Variants in ABCC5 observed in about 807,000 individuals in gnomAD.
ABCC5 encodes ATP-binding cassette sub-family C member 5.
A neutral mutation model predicts 160.9 loss-of-function variants in ABCC5; 61 were observed. That is an observed-to-expected ratio of 0.38 (90% CI 0.31 to 0.47). ABCC5 has a LOEUF of 0.47. Among genes scored for constraint, ABCC5 ranks in the 20% least tolerant of loss-of-function variants. ABCC5 has a pLI of 0.99. For missense variants in ABCC5, 1,308 were observed against 1,813.3 expected, an observed-to-expected ratio of 0.72 and a Z score of 5.06; for synonymous variants, 666 against 700.6, an observed-to-expected ratio of 0.95 and a Z score of 0.78.
intron 2 of ABCC5, among the ~76,000 whole-genome samples, chr3:183,991,281 A>G (rs991195450): frequency 6.6e-6 from 1 of 151,538 alleles, no homozygotes; most frequent in Non-Finnish European, 1.5e-5. Context: ...TGGGTGACAG[A>G]GCAAGACTCT....
Position 183,989,374 on chromosome 3 carries a change from G to C in ABCC5, c.139C>G (p.Gln47Glu). 2.5e-6 allele frequency: 4 copies of C among 1,613,800 alleles called. No homozygotes were observed. The highest frequency in any genetic ancestry group is 3.4e-6 in the Non-Finnish European group (4 of 1,179,896). The change falls in exon 3 of 30, where the codon CAA becomes GAA. Residue 47 changes from glutamine to glutamate, a missense_variant. Around this residue, in one of 3 missense-constraint regions of ABCC5, gnomAD observed 1,142 missense variants for 1,527.1 expected, o/e 0.75. Transcript: ENST00000334444. Reference protein sequence around the residue: ...KFRRTRPLECQDALETAARAE... With the variant: ...KFRRTRPLECEDALETAARAE... ...CGGGCTGCTGTTTCCAAGGCATCTT[G>C]GCATTCCAACTGTTCCAGCAGATAG... is the stretch of plus-strand genomic sequence containing the variant.
At chr3:183,984,642 C>A (rs1437175663) in intron 5 of ABCC5, 14 of 1,433,100 alleles carry the variant, frequency 9.8e-6, no homozygotes, top group African/African-American at 2.9e-5. Flanking sequence ...CCAAGAACTA[C>A]TGTATTCCAC....
At position 183,961,963 on chromosome 3, in the gene ABCC5, G is replaced by A. The variant is rs950711308; in HGVS notation, c.2236-309C>T. Reference sequence around the variant, plus strand: ...TCTGGCTAATTTTTTTGTATTTTTAGTAGAGACGGGGTTTTGCCGTACAGG... The same window carrying A: ...TCTGGCTAATTTTTTTGTATTTTTAATAGAGACGGGGTTTTGCCGTACAGG... On this transcript the variant is annotated intron_variant, in intron 15 of 29. Coordinates refer to ENST00000334444, the MANE Select transcript of ABCC5 (RefSeq NM_005688.4). 5.3e-5 allele frequency among the ~76,000 whole-genome samples: 8 copies of A among 152,236 alleles called. No homozygotes were observed. The South Asian group carries it at 1.7e-3, about 32-fold the overall frequency.
intron 2 of ABCC5, among the ~76,000 whole-genome samples, chr3:184,002,193 T>G (rs566825876): frequency 6.6e-6 from 1 of 151,138 alleles, no homozygotes; most frequent in Admixed American, 6.6e-5. Context: ...AGGTTGGGAG[T>G]TCGAGACCAG....
intron 3 of ABCC5, 40 bp downstream of exon 3, chr3:183,989,186 C>CATT: frequency 7.9e-7 from 1 of 1,271,138 alleles, no homozygotes; most frequent in Non-Finnish European, 1.1e-6. Context: ...AAAAAAAGGC[C>CATT]TTTGATGCTT....
intron 2 of ABCC5, 40 bp from the exon 3 acceptor site, chr3:183,989,423 A>G (rs779675245): frequency 3.1e-6 from 5 of 1,607,410 alleles, no homozygotes; most frequent in Non-Finnish European, 4.3e-6. Context: ...AGCACAGTTA[A>G]TACACAGGCG....
intron 2 of ABCC5, among the ~76,000 whole-genome samples, chr3:183,993,201 C>T (rs905860706): frequency 2.0e-5 from 3 of 151,980 alleles, no homozygotes; most frequent in Admixed American, 6.6e-5. Flanking sequence ...AAGGTACTGC[C>T]GGGCTGGGCG....
At chr3:183,924,391 T>C (rs575319283) in intron 29 of ABCC5, among the ~76,000 whole-genome samples, 1 of 152,290 alleles carries the variant, frequency 6.6e-6, no homozygotes, top group East Asian at 1.9e-4. Context: ...GGCTATGTCT[T>C]TCTCTAGGTT....
At chr3:183,945,021 T>C (rs1560482299) in intron 24 of ABCC5, among the ~76,000 whole-genome samples, 2 of 152,140 alleles carry the variant, frequency 1.3e-5, no homozygotes, top group Non-Finnish European at 2.9e-5. Context: ...GTGTGGCACT[T>C]CCCCCTTCTC....
At chr3:184,004,450 G>C (rs1721003679) in intron 2 of ABCC5, among the ~76,000 whole-genome samples, 1 of 143,926 alleles carries the variant, frequency 6.9e-6, no homozygotes, top group Non-Finnish European at 1.5e-5. Flanking sequence ...GGCAGAGGTT[G>C]CAGTGAGCCA....
Position 183,925,728 on chromosome 3 carries a change from G to A in ABCC5, c.4048-9C>T. The stretch of plus-strand genomic sequence containing the variant: ...TCATCTAAAATCAGAATCTGCCAGA[G>A]AAGCAGAGGAGAAAGAAACTCGATT... On this transcript the variant is annotated splice_polypyrimidine_tract_variant and intron_variant, in intron 28 of 29. Coordinates refer to ENST00000334444, the MANE Select transcript of ABCC5 (RefSeq NM_005688.4). 6.8e-6 allele frequency: 11 copies of A among 1,610,124 alleles called. No individual in the cohort carries two copies. Among genetic ancestry groups the A allele is most frequent in the Non-Finnish European group, 9.3e-6 (11 of 1,178,840 alleles).
In ABCC5 at chr3:183,925,627, G is replaced by A. The variant is rs1274852146; in HGVS notation, c.4140C>T (p.Thr1380=). 1 of 1,613,986 alleles carries A rather than the reference G, an allele frequency of 6.2e-7. No homozygotes were observed. Among genetic ancestry groups the A allele is most frequent in the East Asian group, 2.2e-5 (1 of 44,876 alleles). ...GCAGGCGATGGGCAATGGTCAGCAT[G>A]GTACAGTCTGCAAATGCTTCTCGGA... is the stretch of plus-strand genomic sequence containing the variant. The part of the protein sequence containing the change: ...ETIREAFADC[T]MLTIAHRLHT... Residue 1380 remains threonine (T), a synonymous_variant, in exon 29 of 30, where the codon ACC becomes ACT. Transcript: ENST00000334444.
chr3:183,950,744 G>C (rs1057288511), intron 20 of ABCC5, among the ~76,000 whole-genome samples: 3 of 152,128 alleles, frequency 2.0e-5, no homozygotes, highest in Admixed American at 6.6e-5. Flanking sequence ...CGAGTATCAG[G>C]GATAGTTCTG....
intron 10 of ABCC5, among the ~76,000 whole-genome samples, chr3:183,976,955 CCAAGGTATGAT>C (rs1253650248): frequency 1.1e-4 from 17 of 152,132 alleles, no homozygotes; most frequent in Non-Finnish European, 2.2e-4. Context: ...AAGAACACAG[CCAAGGTATGAT>C]CAACTAACCA....
Position 184,014,352 on chromosome 3 carries a change from C to A in ABCC5, c.41G>T (p.Ser14Ile), listed in dbSNP as rs1430312224. ...CTCCCTCACACTTCTATACCCAGGA[C>A]TGGGGATGATATACTCTTTTCCTAT... ...IDIGKEYIIPSPGYRSVRERT... is the reference protein window; with the variant it reads ...IDIGKEYIIPIPGYRSVRERT... Residue 14 changes from serine (S) to isoleucine (I), a missense_variant, in exon 2 of 30, where the codon AGT becomes ATT. Ser to Ile is a moderately radical substitution (Grantham distance 142, BLOSUM62 -2). This residue lies in a region of ABCC5 where 1,142 missense variants were observed against 1,527.1 expected (regional missense o/e 0.75). Coordinates refer to ENST00000334444, the MANE Select transcript of ABCC5 (RefSeq NM_005688.4). 2.5e-6 allele frequency: 4 copies of A among 1,613,912 alleles called. No homozygotes were observed. The highest frequency in any genetic ancestry group is 1.1e-5 in the South Asian group (1 of 91,078).
intron 26 of ABCC5, among the ~76,000 whole-genome samples, chr3:183,933,190 T>G (rs533587894): frequency 2.9e-4 from 43 of 147,206 alleles, no homozygotes; most frequent in Non-Finnish European, 5.5e-4. Context: ...AAAAAAAAAT[T>G]TAATGAGCAG....
At chr3:183,933,407 C>A (rs1713370411) in intron 26 of ABCC5, among the ~76,000 whole-genome samples, 1 of 152,044 alleles carries the variant, frequency 6.6e-6, no homozygotes, top group Non-Finnish European at 1.5e-5. Context: ...GAAAAACACT[C>A]CAGCTGCGGG....
At chr3:183,965,903 C>T (rs1395533494) in intron 12 of ABCC5, among the ~76,000 whole-genome samples, 1 of 152,114 alleles carries the variant, frequency 6.6e-6, no homozygotes, top group African/African-American at 2.4e-5. Context: ...ACCTAGGATG[C>T]TGGCTAGACC....
intron 15 of ABCC5, among the ~76,000 whole-genome samples, chr3:183,961,994 C>T (rs1201370033): frequency 1.3e-5 from 2 of 152,132 alleles, no homozygotes; most frequent in African/African-American, 4.8e-5. Flanking sequence ...ACAGGTAATC[C>T]GCCCATCTCG....
Sources: allele counts gnomAD v4.1 joint callset (sites outside exome capture counted in the v4.1 genomes callset), GRCh38; gene constraint gnomAD v4.1.1; regional missense constraint gnomAD v4.1.1; transcripts MANE v1.5; gene names NCBI Gene and HGNC (gene_info 2026-07-23, HGNC 2026-07-21).